ASTN2: variants seen among roughly 807,000 people sequenced by gnomAD.
The protein encoded by ASTN2 is astrotactin 2, also known as astrotactin-2.
Under a neutral mutation model 139.8 loss-of-function variants are expected in ASTN2, and 54 were observed. That is an observed-to-expected ratio of 0.39 (90% CI 0.31 to 0.48). The LOEUF is 0.48. Ranked by LOEUF, ASTN2 falls within the 20% of genes least tolerant of loss-of-function variation. The pLI, the probability that ASTN2 is intolerant of heterozygous loss-of-function variation, is 0.95. For missense variants in ASTN2, 1,565 were observed against 1,725.1 expected, an observed-to-expected ratio of 0.91 and a Z score of 1.64; for synonymous variants, 756 against 719.5, an observed-to-expected ratio of 1.05 and a Z score of -0.81.
intron 20 of ASTN2, among the ~76,000 whole-genome samples, chr9:116,478,253 GGGAAGGAAGGAA>G (rs770411627): frequency 1.6e-5 from 2 of 128,622 alleles, no homozygotes; most frequent in African/African-American, 6.1e-5. Flanking sequence ...GAGGGAGGGA[GGGAAGGAAGGAA>G]GGAAGGAAGG....
At chr9:117,378,245 G>A (rs1046637271) in intron 1 of ASTN2, among the ~76,000 whole-genome samples, 1 of 152,178 alleles carries the variant, frequency 6.6e-6, no homozygotes, top group African/African-American at 2.4e-5. Flanking sequence ...ACAGAGTGGG[G>A]TCAGGGAGTA....
At chr9:116,767,869 C>T (rs1400266431) in intron 13 of ASTN2, among the ~76,000 whole-genome samples, 1 of 152,128 alleles carries the variant, frequency 6.6e-6, no homozygotes, top group African/African-American at 2.4e-5. Flanking sequence ...AGAAAGTCCT[C>T]CATTTCCTAA....
intron 10 of ASTN2, among the ~76,000 whole-genome samples, chr9:116,952,363 GC>G (rs1835586551): frequency 6.6e-6 from 1 of 152,168 alleles, no homozygotes; most frequent in Non-Finnish European, 1.5e-5. Flanking sequence ...CCTCAAAGAT[GC>G]AATGCATTTG....
chr9:117,023,410 T>G (rs1009436239), intron 6 of ASTN2, among the ~76,000 whole-genome samples: 1 of 152,148 alleles, frequency 6.6e-6, no homozygotes, highest in Non-Finnish European at 1.5e-5. Context: ...ACTTCACATG[T>G]TCCTTTAAAT....
chr9:117,211,774 A>G (rs1019273384), intron 3 of ASTN2, among the ~76,000 whole-genome samples: 1 of 152,226 alleles, frequency 6.6e-6, no homozygotes, highest in Non-Finnish European at 1.5e-5. Context: ...TAGCTGAAAA[A>G]GAAACCAAGA....
intron 1 of ASTN2, among the ~76,000 whole-genome samples, chr9:117,353,923 C>A (rs978853091): frequency 6.6e-6 from 1 of 152,136 alleles, no homozygotes; most frequent in Non-Finnish European, 1.5e-5. Flanking sequence ...ATAGGCAGAG[C>A]ACAGAGGATT....
chr9:117,026,464 G>T (rs140842633), intron 6 of ASTN2, among the ~76,000 whole-genome samples: 102 of 152,244 alleles, frequency 6.7e-4, no homozygotes, highest in African/African-American at 2.3e-3. Context: ...GATGTCTGGG[G>T]TCATCAACCT....
intron 19 of ASTN2, among the ~76,000 whole-genome samples, chr9:116,487,968 T>A (rs917845480): frequency 6.6e-6 from 1 of 152,312 alleles, no homozygotes; most frequent in East Asian, 1.9e-4. Context: ...AAATTGCCAC[T>A]GTTAGGCATG....
At chr9:116,894,941 G>T (rs1299935747) in intron 10 of ASTN2, among the ~76,000 whole-genome samples, 1 of 152,156 alleles carries the variant, frequency 6.6e-6, no homozygotes, top group Non-Finnish European at 1.5e-5. Flanking sequence ...AGGTTCTTGG[G>T]TTATTTATTT....
At chr9:117,167,634 G>C (rs1163592871) in intron 3 of ASTN2, among the ~76,000 whole-genome samples, 1 of 151,930 alleles carries the variant, frequency 6.6e-6, no homozygotes, top group Non-Finnish European at 1.5e-5. Context: ...AAAACCAACT[G>C]AATCAGGGAA....
At chr9:116,534,999 T>C (rs1851549431) in intron 19 of ASTN2, among the ~76,000 whole-genome samples, 1 of 152,194 alleles carries the variant, frequency 6.6e-6, no homozygotes, top group Non-Finnish European at 1.5e-5. Context: ...GGAGCCTAAG[T>C]CTCTTTGTAG....
intron 17 of ASTN2, among the ~76,000 whole-genome samples, chr9:116,626,117 T>C (rs1045620599): frequency 6.6e-6 from 1 of 150,380 alleles, no homozygotes; most frequent in Non-Finnish European, 1.5e-5. Context: ...GTAGCTGGGA[T>C]TGCAGGCATG....
intron 5 of ASTN2, among the ~76,000 whole-genome samples, chr9:117,044,455 G>A (rs1587896936): frequency 6.6e-6 from 1 of 152,152 alleles, no homozygotes; most frequent in Admixed American, 6.5e-5. Context: ...ATGGCAACCG[G>A]ACCTGGCAGA....
At chr9:117,393,760 G>A (rs1352679510) in intron 1 of ASTN2, among the ~76,000 whole-genome samples, 3 of 152,068 alleles carry the variant, frequency 2.0e-5, no homozygotes, top group Admixed American at 1.3e-4. Context: ...GCTCTGAGGT[G>A]GAATGGGCAG....
chr9:116,701,383 G>T, intron 16 of ASTN2: 1 of 156,270 alleles, frequency 6.4e-6, no homozygotes. Flanking sequence ...GGGTAATTGA[G>T]AGGAAATTGA....
chr9:117,362,163 G>A (rs544516857), intron 1 of ASTN2, among the ~76,000 whole-genome samples: 3 of 152,188 alleles, frequency 2.0e-5, no homozygotes, highest in Non-Finnish European at 2.9e-5. Flanking sequence ...TAATAGAGAC[G>A]GGGTTTTGCC....
rs138462258 is a variant in ASTN2 at position 117,151,331 on chromosome 9, G to C, written c.1016-9853C>G. Among the ~76,000 whole-genome samples the C allele has an allele frequency of 4.1e-3, 621 of 152,254 alleles. 3 individuals carry two copies. The highest frequency in any genetic ancestry group is 0.014 in the African/African-American group (579 of 41,554). On this transcript the variant is annotated intron_variant, in intron 3 of 22. Coordinates refer to ENST00000313400, the MANE Select transcript of ASTN2 (RefSeq NM_001365068.1). The stretch of plus-strand genomic sequence containing the variant: ...CAGATCTATCCTGTCCATGACTTCA[G>C]AGGAAGGCCACATCATATGGCTCAG...
chr9:116,630,940 A>C (rs2131858489), intron 17 of ASTN2, among the ~76,000 whole-genome samples: 1 of 152,334 alleles, frequency 6.6e-6, no homozygotes, highest in Admixed American at 6.5e-5. Flanking sequence ...AAAGTGGCCA[A>C]GTATATGAAA....
rs201758295 is a variant in ASTN2 at position 116,538,136 on chromosome 9, G to A, written c.3356-50636C>T. ...TAGCTCATCTGATAGGAATGAATAA[G>A]AGCTATGGTCCCCATTCCTGGATTA... On this transcript the variant is annotated intron_variant, in intron 19 of 22. Coordinates refer to ENST00000313400, the MANE Select transcript of ASTN2 (RefSeq NM_001365068.1). Among the ~76,000 whole-genome samples the A allele has an allele frequency of 6.6e-5, 10 of 152,192 alleles. No homozygotes were observed. The East Asian group carries it at 1.9e-3, about 29-fold the overall frequency.
Sources: gnomAD v4.1 joint callset for allele counts (sites outside exome capture counted in the v4.1 genomes callset) on GRCh38, gnomAD v4.1.1 for gene constraint, MANE v1.5 for transcripts, NCBI Gene and HGNC (gene_info 2026-07-23, HGNC 2026-07-21) for gene names.